The following DIP2C variants were observed in gnomAD, a reference collection of about 807,000 sequenced individuals.
The protein encoded by DIP2C is DIP2 acetate--CoA ligase C (putative), also known as disco-interacting protein 2 homolog C.
A neutral mutation model predicts 192.4 loss-of-function variants in DIP2C; 33 were observed. That is an observed-to-expected ratio of 0.17 (90% confidence interval 0.13 to 0.23). The LOEUF is 0.23. DIP2C is among the 10% of genes least tolerant of loss of function. DIP2C has a pLI of 1.00. For synonymous variants in DIP2C, 979 were observed against 864.1 expected, an observed-to-expected ratio of 1.13 and a Z score of -2.33; for missense variants, 1,537 against 2,110.1, an observed-to-expected ratio of 0.73 and a Z score of 5.32.
chr10:313,634 G>A (rs535126350), intron 31 of DIP2C, among the ~76,000 whole-genome samples: 4 of 152,280 alleles, frequency 2.6e-5, no homozygotes, highest in Non-Finnish European at 5.9e-5. Context: ...CAAATGCTGC[G>A]CCATTTTCCA....
intron 1 of DIP2C, among the ~76,000 whole-genome samples, chr10:536,363 A>T (rs898293162): frequency 1.3e-5 from 2 of 151,200 alleles, no homozygotes; most frequent in Non-Finnish European, 2.9e-5. Flanking sequence ...CCTGTTCCCC[A>T]TAGGGACATC....
chr10:460,089 G>A (rs562493425), intron 3 of DIP2C, among the ~76,000 whole-genome samples: 27 of 151,148 alleles, frequency 1.8e-4, no homozygotes, highest in African/African-American at 5.1e-4. Flanking sequence ...AAGGGATCGC[G>A]TGCTGCACGT....
intron 1 of DIP2C, among the ~76,000 whole-genome samples, chr10:512,954 T>A (rs1846114362): frequency 7.0e-6 from 1 of 143,240 alleles, no homozygotes; most frequent in East Asian, 2.0e-4. Flanking sequence ...AGGGAGCTAA[T>A]GTTTTTCATT....
intron 32 of DIP2C, among the ~76,000 whole-genome samples, chr10:302,867 A>G (rs1001790941): frequency 1.3e-5 from 2 of 152,222 alleles, no homozygotes; most frequent in Non-Finnish European, 2.9e-5. Flanking sequence ...GTGAGTGGTA[A>G]GTTCACACAA....
chr10:471,038 A>C (rs1340705901), intron 3 of DIP2C, among the ~76,000 whole-genome samples: 4 of 152,140 alleles, frequency 2.6e-5, no homozygotes, highest in African/African-American at 9.7e-5. Context: ...GGCCTCCGAG[A>C]CACCCACATG....
At chr10:509,194 G>T (rs1055384259) in intron 1 of DIP2C, among the ~76,000 whole-genome samples, 2 of 152,150 alleles carry the variant, frequency 1.3e-5, no homozygotes, top group South Asian at 4.1e-4. Flanking sequence ...CTGGTGGCAC[G>T]CGTGGATACT....
rs535238787 is a variant in DIP2C at position 412,471 on chromosome 10, T to C, written c.1057+1442A>G. Among the ~76,000 whole-genome samples, 50 of 152,324 alleles carry C rather than the reference T, an allele frequency of 3.3e-4. 1 individual carries two copies. Among genetic ancestry groups the C allele is most frequent in the African/African-American group, 1.2e-3 (49 of 41,578 alleles). On this transcript the variant is annotated intron_variant, in intron 8 of 36. Coordinates refer to ENST00000280886, the MANE Select transcript of DIP2C (RefSeq NM_014974.3). The stretch of plus-strand genomic sequence containing the variant: ...AAAGTCTTTCATGCTTTTGACTCAA[T>C]AAAACCTATTTCTGAGAGCATAATT...
chr10:585,128 G>A (rs139856932), intron 1 of DIP2C, among the ~76,000 whole-genome samples: 1,606 of 152,326 alleles, frequency 0.011, 17 homozygotes, highest in Non-Finnish European at 0.016. Context: ...AAATGGTAAG[G>A]AACAAGGGTA....
intron 3 of DIP2C, among the ~76,000 whole-genome samples, chr10:461,137 A>G (rs1185294234): frequency 6.6e-6 from 1 of 152,238 alleles, no homozygotes; most frequent in Non-Finnish European, 1.5e-5. Flanking sequence ...AAGAAACTGC[A>G]TCAACTAATG....
rs1222923249 is a variant in DIP2C, at chr10:406,589, AAACT to A, written c.1149+2333_1149+2336del. ...CCTTGTTCAATCCTGGGTGGAGAAC[AAACT>A]AACCTTGGGAAGGAATTCAGTTCAT... On this transcript the variant is annotated intron_variant, in intron 9 of 36. Transcript: ENST00000280886. 3.3e-5 allele frequency among the ~76,000 whole-genome samples: 5 copies of A among 152,366 alleles called. No homozygotes were observed. The South Asian group carries it at 1.0e-3, about 32-fold the overall frequency.
chr10:369,168 T>C (rs955869565), intron 18 of DIP2C, among the ~76,000 whole-genome samples: 2 of 152,222 alleles, frequency 1.3e-5, no homozygotes, highest in Non-Finnish European at 2.9e-5. Flanking sequence ...GGGTGACAGA[T>C]GGGCACGTCC....
intron 1 of DIP2C, among the ~76,000 whole-genome samples, chr10:560,318 A>G (rs943426515): frequency 1.3e-5 from 2 of 152,140 alleles, no homozygotes; most frequent in Admixed American, 6.5e-5. Flanking sequence ...ACACAAAGCT[A>G]AAGTGCTCAG....
chr10:576,205 T>C (rs1850143510), intron 1 of DIP2C, among the ~76,000 whole-genome samples: 1 of 152,188 alleles, frequency 6.6e-6, no homozygotes. Flanking sequence ...ATCAGTGGGG[T>C]TCTCCTGGGA....
intron 26 of DIP2C, among the ~76,000 whole-genome samples, chr10:348,349 G>T (rs190117301): frequency 6.6e-6 from 1 of 152,220 alleles, no homozygotes; most frequent in East Asian, 1.9e-4. Flanking sequence ...AGCTGGGTTC[G>T]TGAGGAAGCC....
At chr10:679,024 T>C (rs181155506) in intron 1 of DIP2C, among the ~76,000 whole-genome samples, 14 of 1,688 alleles carry the variant, frequency 8.3e-3, no homozygotes, top group African/African-American at 0.011. Flanking sequence ...TCCCCGCACC[T>C]GTCCTCCCCG....
At position 454,969 on chromosome 10, in the gene DIP2C, A is replaced by C. The variant is rs1444663515; in HGVS notation, c.269-13973T>G. 2.0e-5 allele frequency among the ~76,000 whole-genome samples: 3 copies of C among 152,168 alleles called. No individual in the cohort carries two copies. The East Asian group carries it at 5.8e-4, about 29-fold the overall frequency. On this transcript the variant is annotated intron_variant, in intron 3 of 36. Coordinates refer to ENST00000280886, the MANE Select transcript of DIP2C (RefSeq NM_014974.3). ...TCCATCTTTTGAAGTCATAAATCAC[A>C]ATCCATTTCCTAGAGCTCCTGCCAT...
At chr10:468,876 A>C (rs1213674588) in intron 3 of DIP2C, among the ~76,000 whole-genome samples, 5 of 152,260 alleles carry the variant, frequency 3.3e-5, no homozygotes, top group African/African-American at 1.2e-4. Flanking sequence ...ATGACACTTC[A>C]AGGACTGTCT....
chr10:564,503 C>T (rs1849363752), intron 1 of DIP2C, among the ~76,000 whole-genome samples: 1 of 152,172 alleles, frequency 6.6e-6, no homozygotes, highest in Non-Finnish European at 1.5e-5. Flanking sequence ...CCATCTTGGC[C>T]AGTAGCTGAG....
At chr10:308,078 T>C (rs3123229) in intron 32 of DIP2C, among the ~76,000 whole-genome samples, 105,144 of 139,020 alleles carry the variant, frequency 0.76, 40,249 homozygotes, top group Non-Finnish European at 0.85. Flanking sequence ...ACACGGTCCA[T>C]CTGGAGGGCA....
Sources: allele counts gnomAD v4.1 joint callset (sites outside exome capture counted in the v4.1 genomes callset), GRCh38; gene constraint gnomAD v4.1.1; transcripts MANE v1.5; gene names NCBI Gene and HGNC (gene_info 2026-07-23, HGNC 2026-07-21).